The following DCC variants were observed in gnomAD, a reference collection of about 807,000 sequenced individuals.
DCC encodes the protein netrin receptor DCC.
DCC carries 58 observed loss-of-function variants against 172.5 expected under a neutral mutation model. The observed-to-expected ratio is 0.34, with a 90% CI of 0.27 to 0.42. The LOEUF (loss-of-function observed/expected upper bound fraction) is 0.42, where lower values mean the gene tolerates loss of function less well. DCC is among the 10% of genes least tolerant of loss of function. The pLI, the probability that DCC is intolerant of heterozygous loss-of-function variation, is 1.00. For synonymous variants in DCC, 709 were observed against 644.5 expected, an observed-to-expected ratio of 1.10 and a Z score of -1.52; for missense variants, 1,740 against 1,791.0, an observed-to-expected ratio of 0.97 and a Z score of 0.51.
chr18:52,878,900 C>G (rs141038182), intron 2 of DCC, among the ~76,000 whole-genome samples: 19 of 152,220 alleles, frequency 1.2e-4, no homozygotes, highest in African/African-American at 4.1e-4. Context: ...GACAAAACTT[C>G]CATGGGTGTA....
intron 16 of DCC, 76 bp downstream of exon 16, chr18:53,386,214 A>G: frequency 1.1e-6 from 1 of 926,118 alleles, no homozygotes; most frequent in Non-Finnish European, 1.8e-6. Context: ...AAAATAAAAT[A>G]CAAAGAAACA....
chr18:52,450,386 C>G (rs1372940829), intron 1 of DCC, among the ~76,000 whole-genome samples: 1 of 152,122 alleles, frequency 6.6e-6, no homozygotes, highest in East Asian at 1.9e-4. Context: ...TACTATATAC[C>G]AGACTTTGAC....
At chr18:52,822,709 A>T (rs931298880) in intron 2 of DCC, among the ~76,000 whole-genome samples, 3 of 152,184 alleles carry the variant, frequency 2.0e-5, no homozygotes, top group African/African-American at 7.2e-5. Context: ...CTGCAGATGA[A>T]AATCCTGGTT....
intron 1 of DCC, among the ~76,000 whole-genome samples, chr18:52,592,229 A>C (rs1221165690): frequency 6.6e-6 from 1 of 152,228 alleles, no homozygotes; most frequent in Non-Finnish European, 1.5e-5. Flanking sequence ...AACAATAATC[A>C]CTAAAAATAG....
At chr18:53,459,935 G>C (rs1455057571) in intron 24 of DCC, among the ~76,000 whole-genome samples, 1 of 150,680 alleles carries the variant, frequency 6.6e-6, no homozygotes, top group Non-Finnish European at 1.5e-5. Flanking sequence ...TGAATATTCT[G>C]TTACTTTGGC....
At chr18:53,307,237 A>G (rs2057211252) in intron 13 of DCC, among the ~76,000 whole-genome samples, 1 of 152,238 alleles carries the variant, frequency 6.6e-6, no homozygotes, top group Non-Finnish European at 1.5e-5. Flanking sequence ...GGTTGAATCT[A>G]ACGGAAAGTT....
chr18:52,669,598 ATCTG>A (rs1417346435), intron 1 of DCC, among the ~76,000 whole-genome samples: 8 of 152,210 alleles, frequency 5.3e-5, no homozygotes, highest in Admixed American at 2.6e-4. Flanking sequence ...TCCATGTCTC[ATCTG>A]TCTTTTGCTG....
intron 16 of DCC, 126 bp downstream of exon 16, chr18:53,386,264 A>T: frequency 1.4e-6 from 1 of 707,758 alleles, no homozygotes; most frequent in Non-Finnish European, 2.5e-6. Context: ...GATAATCCTC[A>T]GAGAATAATT....
intron 1 of DCC, among the ~76,000 whole-genome samples, chr18:52,446,854 G>T (rs1030026411): frequency 2.6e-5 from 4 of 152,204 alleles, no homozygotes; most frequent in Non-Finnish European, 4.4e-5. Context: ...ACAGAACCTT[G>T]TCTCCAGTTT....
intron 12 of DCC, among the ~76,000 whole-genome samples, chr18:53,297,897 C>A (rs568983871): frequency 6.6e-6 from 1 of 152,262 alleles, no homozygotes; most frequent in East Asian, 1.9e-4. Context: ...TGCTAATAAA[C>A]TTAGCTGCTA....
At chr18:52,485,220 T>C (rs1240153242) in intron 1 of DCC, among the ~76,000 whole-genome samples, 1 of 152,088 alleles carries the variant, frequency 6.6e-6, no homozygotes, top group Non-Finnish European at 1.5e-5. Flanking sequence ...TAAAGAAATA[T>C]GGAACAGCCA....
At chr18:52,774,631 G>T (rs1044142710) in intron 2 of DCC, among the ~76,000 whole-genome samples, 2 of 152,112 alleles carry the variant, frequency 1.3e-5, no homozygotes, top group Admixed American at 1.3e-4. Flanking sequence ...GTGTGATGGG[G>T]GTATGGCTTG....
At chr18:53,071,989 A>G (rs977984687) in intron 7 of DCC, among the ~76,000 whole-genome samples, 3 of 152,074 alleles carry the variant, frequency 2.0e-5, no homozygotes, top group African/African-American at 7.2e-5. Context: ...TTAGTTGGGC[A>G]TGGTGACACA....
intron 9 of DCC, among the ~76,000 whole-genome samples, chr18:53,198,149 A>C (rs969640741): frequency 3.9e-5 from 6 of 152,170 alleles, no homozygotes. Context: ...ATGATAAAGA[A>C]TCACTGATTT....
chr18:52,543,522 A>C (rs1291485513), intron 1 of DCC, among the ~76,000 whole-genome samples: 3 of 152,202 alleles, frequency 2.0e-5, no homozygotes, highest in African/African-American at 7.2e-5. Context: ...TTCTTATTTG[A>C]CTATCACAGG....
chr18:53,152,858 G>C (rs1397148124), intron 7 of DCC, among the ~76,000 whole-genome samples: 2 of 132,922 alleles, frequency 1.5e-5, no homozygotes, highest in Non-Finnish European at 3.4e-5. Flanking sequence ...TGTTAAAACT[G>C]TGTTCCTCCG....
At position 52,533,703 on chromosome 18, in the gene DCC, C is replaced by T. The variant is rs143762676; in HGVS notation, c.91+192825C>T. ...GTGAATAAAGCTACTGTGAGCATTT[C>T]CATATATTTTTGTATGTGTGTGAAT... On this transcript the variant is annotated intron_variant, in intron 1 of 28. Transcript: ENST00000442544. Among the ~76,000 whole-genome samples, 47 of 152,134 alleles carry T rather than the reference C, an allele frequency of 3.1e-4. 1 individual carries two copies. The East Asian group carries it at 8.3e-3, about 27-fold the overall frequency.
chr18:53,167,284 T>C (rs1047821919), intron 8 of DCC, among the ~76,000 whole-genome samples: 1 of 152,212 alleles, frequency 6.6e-6, no homozygotes, highest in African/African-American at 2.4e-5. Context: ...GAATCATGTT[T>C]AATCTCTAAA....
chr18:52,951,571 A>G (rs1031680069), intron 5 of DCC, among the ~76,000 whole-genome samples: 3 of 152,122 alleles, frequency 2.0e-5, no homozygotes, highest in Admixed American at 2.0e-4. Flanking sequence ...GCTGAGAATG[A>G]TGGCTTCCAG....
Sources: gnomAD v4.1 joint callset for allele counts (sites outside exome capture counted in the v4.1 genomes callset) on GRCh38, gnomAD v4.1.1 for gene constraint, MANE v1.5 for transcripts, NCBI Gene and HGNC (gene_info 2026-07-23, HGNC 2026-07-21) for gene names.